Variants in TRIM24 observed in about 807,000 individuals in gnomAD.
TRIM24 encodes the protein tripartite motif containing 24, also known as transcription intermediary factor 1-alpha.
In TRIM24, 29 loss-of-function variants were observed where a neutral mutation model predicts 123.9. The ratio of observed to expected loss-of-function variants is 0.23; its 90% confidence interval spans 0.17 to 0.32. The LOEUF (loss-of-function observed/expected upper bound fraction) is 0.32, where lower values mean the gene tolerates loss of function less well. TRIM24 is among the 10% of genes least tolerant of loss of function. TRIM24 has a pLI of 1.00. For missense variants in TRIM24, 932 were observed against 1,295.3 expected (o/e 0.72, Z 4.31); for synonymous variants, 456 against 461.1 (o/e 0.99, Z 0.14).
chr7:138,516,558 T>C (rs1368948806), intron 3 of TRIM24, among the ~76,000 whole-genome samples: 66 of 152,074 alleles, frequency 4.3e-4, no homozygotes, highest in Non-Finnish European at 8.8e-5. Flanking sequence ...TTTTACCATG[T>C]TGGCCAGGCT....
chr7:138,532,047 C>A (rs1274216454), intron 6 of TRIM24, among the ~76,000 whole-genome samples: 1 of 152,092 alleles, frequency 6.6e-6, no homozygotes, highest in Non-Finnish European at 1.5e-5. Context: ...CCTTTGCCCA[C>A]TTTTTGATGG....
At chr7:138,537,208 C>T (rs1007806094) in intron 6 of TRIM24, among the ~76,000 whole-genome samples, 1 of 152,044 alleles carries the variant, frequency 6.6e-6, no homozygotes, top group African/African-American at 2.4e-5. Context: ...ACTCGGTGCA[C>T]TGTACCCACG....
chr7:138,505,795 T>G (rs1418454624), intron 2 of TRIM24, among the ~76,000 whole-genome samples: 1 of 152,212 alleles, frequency 6.6e-6, no homozygotes, highest in Admixed American at 6.5e-5. Flanking sequence ...AACCCACATG[T>G]AGAACATCTC....
intron 9 of TRIM24, among the ~76,000 whole-genome samples, chr7:138,564,225 T>A (rs1206718958): frequency 6.6e-6 from 1 of 152,146 alleles, no homozygotes; most frequent in Non-Finnish European, 1.5e-5. Context: ...TCATAATAGA[T>A]GGGTCCCCGT....
At chr7:138,582,414 C>T (rs888493309) in intron 17 of TRIM24, among the ~76,000 whole-genome samples, 33 of 152,028 alleles carry the variant, frequency 2.2e-4, no homozygotes, top group African/African-American at 7.2e-4. Flanking sequence ...TGGTGGCAGG[C>T]GCCTGTAGTC....
At chr7:138,584,628 AC>A in intron 18 of TRIM24, 113 bp from the exon 19 acceptor site, 1 of 812,098 alleles carries the variant, frequency 1.2e-6, no homozygotes, top group Non-Finnish European at 1.9e-6. Flanking sequence ...CTAGTCCTAA[AC>A]TATTATTTCA....
intron 7 of TRIM24, among the ~76,000 whole-genome samples, chr7:138,540,844 C>CT (rs1321510084): frequency 1.3e-5 from 2 of 152,000 alleles, no homozygotes; most frequent in Non-Finnish European, 2.9e-5. Flanking sequence ...TAACGTATTT[C>CT]TTTTTTGTTT....
rs1017519030 is a variant in TRIM24, at chr7:138,576,424, C to G, written c.2066C>G (p.Ser689Cys). Residue 689 changes from serine to cysteine, a missense_variant, in exon 13 of 19, where the codon TCC (serine) becomes TGC (cysteine). Physicochemically the swap from Ser to Cys is moderately radical, Grantham distance 112. Around this residue, in one of 7 missense-constraint regions of TRIM24, gnomAD observed 527 missense variants for 691.3 expected, o/e 0.76. Coordinates refer to ENST00000343526, the MANE Select transcript of TRIM24 (RefSeq NM_015905.3). ...VHPPIRSPSA[S>C]SVGSRGSSGS... ...CCCCCAATACGTTCACCTAGTGCCT[C>G]CAGCGTTGGAAGCCGAGGAAGGTAA... 1.9e-6 allele frequency: 3 copies of G among 1,613,756 alleles called. No individual in the cohort carries two copies. Among genetic ancestry groups the G allele is most frequent in the Non-Finnish European group, 2.5e-6 (3 of 1,179,752 alleles).
In TRIM24 at chr7:138,545,052, G is replaced by C. The variant is rs151018652; in HGVS notation, c.1144-6011G>C. ...ATTATTAGAAATATTGTATAAAATTGCTTTCAGGCTATGTGTGTTGAGTAT... is the reference window on the plus strand; with the variant it reads ...ATTATTAGAAATATTGTATAAAATTCCTTTCAGGCTATGTGTGTTGAGTAT... On this transcript the variant is annotated intron_variant, in intron 7 of 18. Coordinates refer to ENST00000343526, the MANE Select transcript of TRIM24 (RefSeq NM_015905.3). 3.4e-3 allele frequency among the ~76,000 whole-genome samples: 514 copies of C among 152,210 alleles called. 3 individuals are homozygous for C. Among genetic ancestry groups the C allele is most frequent in the African/African-American group, 0.012 (490 of 41,532 alleles).
At chr7:138,465,972 C>T (rs1043151421) in intron 1 of TRIM24, among the ~76,000 whole-genome samples, 5 of 152,210 alleles carry the variant, frequency 3.3e-5, no homozygotes, top group Admixed American at 1.3e-4. Flanking sequence ...TGTTCACACT[C>T]TCCCCAGTTT....
At chr7:138,583,731 C>A in intron 17 of TRIM24, 119 bp from the exon 18 acceptor site, 1 of 747,262 alleles carries the variant, frequency 1.3e-6, no homozygotes, top group Admixed American at 3.5e-5. Context: ...TTACTAATGG[C>A]AAATAGCACA....
intron 1 of TRIM24, among the ~76,000 whole-genome samples, chr7:138,472,771 CAG>C (rs1795299795): frequency 6.6e-6 from 1 of 152,200 alleles, no homozygotes; most frequent in South Asian, 2.1e-4. Context: ...GACATTGCCA[CAG>C]AATGTTGACC....
chr7:138,505,511 T>G lies in TRIM24; in HGVS notation c.483+1103T>G, dbSNP rs866263668. ...TTCATTTGTTTTTTGGGGGTGGTGG[T>G]TGTTGTTGTTGTTGTTGTTGTTGTT... On this transcript the variant is annotated intron_variant, in intron 2 of 18. Transcript: ENST00000343526. Among the ~76,000 whole-genome samples, 19 of 127,690 alleles carry G rather than the reference T, an allele frequency of 1.5e-4. No individual in the cohort carries two copies. The Middle Eastern group carries it at 0.012, about 78-fold the overall frequency. 83.8% of individuals were successfully genotyped at this position (127,690 alleles called of 152,430 possible). A position where few individuals can be genotyped will look rare whatever the true frequency, so the allele number is the denominator to read the frequency against.
At chr7:138,532,272 A>G (rs2116593457) in intron 6 of TRIM24, among the ~76,000 whole-genome samples, 1 of 152,118 alleles carries the variant, frequency 6.6e-6, no homozygotes, top group East Asian at 1.9e-4. Flanking sequence ...TTGGTGTTTT[A>G]GACATGAAGT....
chr7:138,560,287 C>T (rs1443936578), intron 9 of TRIM24, among the ~76,000 whole-genome samples: 2 of 152,192 alleles, frequency 1.3e-5, no homozygotes, highest in East Asian at 3.8e-4. Flanking sequence ...ATTTCGGCTA[C>T]AAATGCTGGA....
intron 1 of TRIM24, among the ~76,000 whole-genome samples, chr7:138,502,446 G>A (rs1244138575): frequency 6.6e-6 from 1 of 152,188 alleles, no homozygotes; most frequent in Non-Finnish European, 1.5e-5. Flanking sequence ...GGCTCAAAAA[G>A]ATTGATTAGG....
chr7:138,576,733 C>T (rs149468889), intron 13 of TRIM24, among the ~76,000 whole-genome samples: 39 of 152,210 alleles, frequency 2.6e-4, no homozygotes, highest in African/African-American at 8.7e-4. Flanking sequence ...TAACACAGTA[C>T]ACTATATAGA....
intron 12 of TRIM24, 56 bp downstream of exon 12, chr7:138,573,698 G>T: frequency 3.2e-6 from 5 of 1,549,540 alleles, no homozygotes; most frequent in Admixed American, 2.1e-5. Flanking sequence ...CACTTTACTT[G>T]GAATAAAAAA....
chr7:138,490,814 G>T, intron 1 of TRIM24: 1 of 470,538 alleles, frequency 2.1e-6, no homozygotes, highest in South Asian at 1.6e-5. Context: ...TCAATGTATT[G>T]ACCACATCTT....
Sources: gnomAD v4.1 joint callset for allele counts (sites outside exome capture counted in the v4.1 genomes callset) on GRCh38, gnomAD v4.1.1 for gene constraint, gnomAD v4.1.1 regional missense constraint, MANE v1.5 for transcripts, NCBI Gene and HGNC (gene_info 2026-07-23, HGNC 2026-07-21) for gene names.